The following C6 variants were observed in gnomAD, a reference collection of about 807,000 sequenced individuals.
C6 encodes complement C6, also known as complement component C6.
C6 carries 101 observed loss-of-function variants against 112.9 expected under a neutral mutation model. The ratio of observed to expected loss-of-function variants is 0.89; its 90% CI spans 0.76 to 1.06. The LOEUF is 1.06. Among genes scored for constraint, C6 ranks in the 50% least tolerant of loss-of-function variants. The pLI is 0.00. For synonymous variants in C6, 431 were observed against 384.1 expected, an observed-to-expected ratio of 1.12 and a Z score of -1.43; for missense variants, 1,202 against 1,104.6, an observed-to-expected ratio of 1.09 and a Z score of -1.25.
chr5:41,243,075 A>G (rs920098021), intron 1 of C6, among the ~76,000 whole-genome samples: 40 of 152,270 alleles, frequency 2.6e-4, no homozygotes, highest in African/African-American at 9.4e-4. Context: ...TTTGAGTTCT[A>G]TTGTACAGCT....
chr5:41,261,225 G>A, exon 1 of C6: 1 of 985,512 alleles, frequency 1.0e-6, no homozygotes, highest in Non-Finnish European at 1.2e-6. Flanking sequence ...AATACCAGCA[G>A]ATACTTCAGC....
At chr5:41,196,089 G>A (rs1004097976) in intron 4 of C6, among the ~76,000 whole-genome samples, 156 bp from the exon 5 acceptor site, 15 of 152,104 alleles carry the variant, frequency 9.9e-5, no homozygotes, top group Admixed American at 5.2e-4. Flanking sequence ...AAAATGGAGC[G>A]ATAAACTGAT....
At chr5:41,215,601 C>A (rs936735587), upstream of C6, among the ~76,000 whole-genome samples, 6 of 152,108 alleles carry the variant, frequency 3.9e-5, no homozygotes, top group Admixed American at 2.0e-4. Context: ...GACCTTCTCA[C>A]ACAAAATCTC....
At chr5:41,165,400 C>A (rs961342087) in intron 9 of C6, among the ~76,000 whole-genome samples, 7 of 152,154 alleles carry the variant, frequency 4.6e-5, no homozygotes, top group Non-Finnish European at 1.0e-4. Flanking sequence ...CTCCTACCAG[C>A]AATGTATGGC....
At chr5:41,180,079 AGAATTG>A (rs1580126635) in intron 7 of C6, among the ~76,000 whole-genome samples, 1 of 152,220 alleles carries the variant, frequency 6.6e-6, no homozygotes, top group East Asian at 1.9e-4. Context: ...ATAATCTCTT[AGAATTG>A]TTTTGAGGAT....
intron 9 of C6, among the ~76,000 whole-genome samples, chr5:41,163,444 A>G (rs1334316117): frequency 6.6e-6 from 1 of 151,566 alleles, no homozygotes; most frequent in Non-Finnish European, 1.5e-5. Context: ...TCCCAAGTAG[A>G]TGGGATTACA....
chr5:41,174,507 C>G (rs1748682680), intron 8 of C6, among the ~76,000 whole-genome samples: 1 of 152,186 alleles, frequency 6.6e-6, no homozygotes, highest in Non-Finnish European at 1.5e-5. Flanking sequence ...AAATTATCCT[C>G]TTGCATATTA....
intron 1 of C6, chr5:41,261,161 TA>T (rs1275092799): frequency 1.7e-4 from 167 of 961,226 alleles, no homozygotes; most frequent in Middle Eastern, 5.3e-4. Context: ...GCCCACCAAT[TA>T]AAAAAAAAGA....
intron 1 of C6, among the ~76,000 whole-genome samples, chr5:41,222,699 C>T (rs1345124328): frequency 1.3e-5 from 2 of 151,984 alleles, no homozygotes; most frequent in Non-Finnish European, 2.9e-5. Flanking sequence ...TATAGCTTCC[C>T]CTGCTCTTAC....
chr5:41,246,484 T>C (rs1741027233), intron 1 of C6, among the ~76,000 whole-genome samples: 1 of 152,080 alleles, frequency 6.6e-6, no homozygotes, highest in Non-Finnish European at 1.5e-5. Context: ...AGGCAGAGAG[T>C]GTCCAAAGTA....
intron 1 of C6, among the ~76,000 whole-genome samples, chr5:41,240,640 A>G (rs1740646578): frequency 6.6e-6 from 1 of 152,172 alleles, no homozygotes; most frequent in South Asian, 2.1e-4. Flanking sequence ...AGGACTGCAC[A>G]GATACCAGCA....
chr5:41,185,170 C>T (rs1464743624), intron 6 of C6, among the ~76,000 whole-genome samples: 1 of 152,190 alleles, frequency 6.6e-6, no homozygotes. Flanking sequence ...TATTATCAGT[C>T]TTCCCAGAGG....
intron 5 of C6, among the ~76,000 whole-genome samples, chr5:41,187,268 A>T (rs950955228): frequency 2.1e-4 from 32 of 152,108 alleles, no homozygotes; most frequent in African/African-American, 7.7e-4. Context: ...GGAACTCTAA[A>T]CATCCTCAAG....
chr5:41,249,869 A>G (rs564692036), intron 1 of C6, among the ~76,000 whole-genome samples: 3 of 152,292 alleles, frequency 2.0e-5, no homozygotes, highest in African/African-American at 7.2e-5. Flanking sequence ...TACTCATAAG[A>G]AAACTGACAA....
intron 6 of C6, among the ~76,000 whole-genome samples, chr5:41,185,226 A>C (rs1263433004): frequency 6.6e-6 from 1 of 152,200 alleles, no homozygotes; most frequent in Non-Finnish European, 1.5e-5. Flanking sequence ...CCCACCTATC[A>C]GTATATATTA....
chr5:41,224,588 T>G (rs1739373459), intron 1 of C6, among the ~76,000 whole-genome samples: 1 of 152,192 alleles, frequency 6.6e-6, no homozygotes, highest in African/African-American at 2.4e-5. Context: ...GTTCCTTTTT[T>G]TTTTATTGCT....
intron 1 of C6, among the ~76,000 whole-genome samples, 180 bp downstream of exon 1, chr5:41,213,196 T>C (rs541029630): frequency 1.4e-4 from 22 of 152,246 alleles, no homozygotes; most frequent in African/African-American, 4.6e-4. Flanking sequence ...TGACATTTGT[T>C]TAAAAAACAT....
At chr5:41,150,240 C>T (rs915546532) in intron 15 of C6, among the ~76,000 whole-genome samples, 6 of 152,050 alleles carry the variant, frequency 3.9e-5, no homozygotes, top group Admixed American at 1.3e-4. Context: ...CCTAAAATTG[C>T]GATTATGTTC....
intron 14 of C6, among the ~76,000 whole-genome samples, 157 bp downstream of exon 14, chr5:41,154,815 T>A (rs1197532843): frequency 6.6e-6 from 1 of 152,224 alleles, no homozygotes; most frequent in Non-Finnish European, 1.5e-5. Flanking sequence ...TTTTAGCAAA[T>A]GAGCCCTTCT....
Sources: allele counts gnomAD v4.1 joint callset (sites outside exome capture counted in the v4.1 genomes callset), GRCh38; gene constraint gnomAD v4.1.1; transcripts MANE v1.5; gene names NCBI Gene and HGNC (gene_info 2026-07-23, HGNC 2026-07-21).